The following TNIP1 variants were observed in gnomAD, a reference collection of about 807,000 sequenced individuals.
TNIP1 encodes TNFAIP3 interacting protein 1, also known as TNFAIP3-interacting protein 1.
TNIP1 carries 22 observed loss-of-function variants against 86.6 expected under a neutral mutation model. The observed-to-expected ratio is 0.25, with a 90% CI of 0.18 to 0.36. The LOEUF is 0.36. Ranked by LOEUF, TNIP1 falls within the 10% of genes least tolerant of loss-of-function variation. The pLI is 1.00. For missense variants in TNIP1, 709 were observed against 820.6 expected (o/e 0.86, Z 1.66); for synonymous variants, 294 against 313.0 (o/e 0.94, Z 0.64).
At chr5:151,048,299 A>G (rs1759447169) in intron 8 of TNIP1, among the ~76,000 whole-genome samples, 1 of 152,192 alleles carries the variant, frequency 6.6e-6, no homozygotes, top group Non-Finnish European at 1.5e-5. Flanking sequence ...AATCTCCCCT[A>G]AAGAGCAACA....
Position 151,032,209 on chromosome 5 carries a change from C to A in TNIP1, c.1876+78G>T, listed in dbSNP as rs917931894. 1.8e-5 allele frequency: 23 copies of A among 1,285,554 alleles called. 2 individuals carry two copies. The highest frequency in any genetic ancestry group is 7.1e-5 in the East Asian group (3 of 42,440). 79.6% of individuals were successfully genotyped at this position (1,285,554 alleles called of 1,614,324 possible). On this transcript the variant is annotated intron_variant, in intron 17 of 17. Coordinates refer to ENST00000521591, the MANE Select transcript of TNIP1 (RefSeq NM_006058.5). The stretch of plus-strand genomic sequence containing the variant: ...CCAAGAGCAGAAACTAACGACATCA[C>A]CCCCAAACTCAGGCAATGCTGGCAG...
chr5:151,039,465 C>T (rs1758141400), intron 11 of TNIP1, among the ~76,000 whole-genome samples: 1 of 151,828 alleles, frequency 6.6e-6, no homozygotes, highest in Non-Finnish European at 1.5e-5. Flanking sequence ...AGTAAAAGAC[C>T]CTGGATTCCG....
At chr5:151,075,881 A>G (rs17111727) in intron 1 of TNIP1, among the ~76,000 whole-genome samples, 29,230 of 152,142 alleles carry the variant, frequency 0.19, 6,314 homozygotes, top group African/African-American at 0.54. Flanking sequence ...GCCTCTCAGC[A>G]TGACTCCTTG....
chr5:151,052,939 G>A (rs1337817831), intron 6 of TNIP1, among the ~76,000 whole-genome samples: 1 of 152,014 alleles, frequency 6.6e-6, no homozygotes, highest in Non-Finnish European at 1.5e-5. Context: ...TCCTAGGGGG[G>A]CTGAAAGGCA....
At chr5:151,076,078 G>A (rs1763356748) in intron 1 of TNIP1, among the ~76,000 whole-genome samples, 1 of 152,248 alleles carries the variant, frequency 6.6e-6, no homozygotes, top group African/African-American at 2.4e-5. Flanking sequence ...GCAGCCCTCA[G>A]ACAAACAGCC....
intron 9 of TNIP1, among the ~76,000 whole-genome samples, chr5:151,044,968 G>A (rs1288735384): frequency 1.3e-5 from 2 of 152,210 alleles, no homozygotes; most frequent in African/African-American, 4.8e-5. Context: ...ATGGAGTTTA[G>A]GAATCCACTC....
intron 1 of TNIP1, among the ~76,000 whole-genome samples, chr5:151,065,826 T>C (rs1278663050): frequency 6.6e-6 from 1 of 152,254 alleles, no homozygotes; most frequent in Non-Finnish European, 1.5e-5. Flanking sequence ...ATATATGGTC[T>C]GTCCCTTGCA....
chr5:151,084,730 C>T (rs1008526047), upstream of TNIP1, among the ~76,000 whole-genome samples: 3 of 152,128 alleles, frequency 2.0e-5, no homozygotes, highest in Non-Finnish European at 4.4e-5. Flanking sequence ...AACTCGGGAG[C>T]AGCTAATGAA....
rs778719180 is a variant in TNIP1, at chr5:151,062,231, A to C, written c.272-19T>G. ...TCCTTTCCTGGAGAATCAAGAAAGC[A>C]CAGATGAACTGACTGGGAAGGGGAG... is the stretch of plus-strand genomic sequence containing the variant. On this transcript the variant is annotated intron_variant, in intron 3 of 17. Transcript: ENST00000521591. 2 of 1,611,540 alleles carry C rather than the reference A, an allele frequency of 1.2e-6. No homozygotes were observed. The highest frequency in any genetic ancestry group is 1.7e-6 in the Non-Finnish European group (2 of 1,177,866).
intron 13 of TNIP1, among the ~76,000 whole-genome samples, chr5:151,036,201 T>C (rs1407195556): frequency 6.6e-6 from 1 of 152,182 alleles, no homozygotes; most frequent in Non-Finnish European, 1.5e-5. Context: ...CTGGCTAGGT[T>C]CAAGGCAGTT....
intron 8 of TNIP1, among the ~76,000 whole-genome samples, chr5:151,046,626 T>C (rs527741349): frequency 1.2e-4 from 19 of 152,252 alleles, no homozygotes; most frequent in African/African-American, 4.3e-4. Flanking sequence ...TAAGGTGAGT[T>C]TGATGCATCT....
intron 6 of TNIP1, among the ~76,000 whole-genome samples, chr5:151,053,565 C>T (rs890387220): frequency 2.0e-5 from 3 of 152,106 alleles, no homozygotes; most frequent in African/African-American, 7.2e-5. Context: ...GAAGAGGGGT[C>T]GCCAGACTCA....
chr5:151,062,023 A>T, intron 4 of TNIP1, 104 bp downstream of exon 4: 1 of 1,051,060 alleles, frequency 9.5e-7, no homozygotes, highest in Non-Finnish European at 1.4e-6. Context: ...GAGACGGAAC[A>T]CAGTTTCTTG....
chr5:151,051,848 G>C (rs1260397117), intron 7 of TNIP1, among the ~76,000 whole-genome samples: 1 of 152,170 alleles, frequency 6.6e-6, no homozygotes, highest in Non-Finnish European at 1.5e-5. Flanking sequence ...AGGCAGCAAA[G>C]TCCTGAGTCC....
chr5:151,043,041 C>T (rs1161675308), intron 9 of TNIP1, 80 bp from the exon 10 acceptor site: 6 of 1,435,604 alleles, frequency 4.2e-6, no homozygotes, highest in East Asian at 2.3e-5. Context: ...TGTACACCAG[C>T]GTCCCAAGGT....
intron 1 of TNIP1, among the ~76,000 whole-genome samples, chr5:151,066,857 AGG>A (rs1213501525): frequency 6.6e-6 from 1 of 152,196 alleles, no homozygotes; most frequent in African/African-American, 2.4e-5. Flanking sequence ...AGGGGCAGAC[AGG>A]GAGTTCAAAT....
At chr5:151,059,819 G>GAGAGAGAA (rs1761213060) in intron 5 of TNIP1, among the ~76,000 whole-genome samples, 2 of 107,352 alleles carry the variant, frequency 1.9e-5, no homozygotes, top group African/African-American at 4.7e-5. Flanking sequence ...GAGAGAGAGA[G>GAGAGAGAA]AGAGAGAGAG....
intron 15 of TNIP1, 121 bp downstream of exon 15, chr5:151,034,881 C>T: frequency 2.9e-6 from 3 of 1,036,060 alleles, no homozygotes; most frequent in Non-Finnish European, 4.4e-6. Context: ...TCCTGTATTA[C>T]TCATCAGTTA....
chr5:151,078,974 C>A (rs1363409246), intron 1 of TNIP1, among the ~76,000 whole-genome samples: 1 of 152,194 alleles, frequency 6.6e-6, no homozygotes, highest in African/African-American at 2.4e-5. Context: ...ATGACTCAGA[C>A]CCCACAGCTT....
Sources: gnomAD v4.1 joint callset for allele counts (sites outside exome capture counted in the v4.1 genomes callset) on GRCh38, gnomAD v4.1.1 for gene constraint, MANE v1.5 for transcripts, NCBI Gene and HGNC (gene_info 2026-07-23, HGNC 2026-07-21) for gene names.